The following MACF1 variants were observed in gnomAD, a reference collection of about 807,000 sequenced individuals.
MACF1 encodes microtubule-actin cross-linking factor 1.
A neutral mutation model predicts 854.8 loss-of-function variants in MACF1; 193 were observed. That is an observed-to-expected ratio of 0.23 (90% CI 0.20 to 0.25). The LOEUF (loss-of-function observed/expected upper bound fraction) is 0.25. MACF1 is among the 10% of genes least tolerant of loss of function. MACF1 has a pLI of 1.00. For synonymous variants in MACF1, 3,185 were observed against 3,226.7 expected (o/e 0.99, Z 0.44); for missense variants, 7,722 against 8,929.1 (o/e 0.86, Z 5.45).
At position 39,460,843 on chromosome 1, in the gene MACF1, A is replaced by C. The variant is rs1298806700; in HGVS notation, c.21523+49A>C. On this transcript the variant is annotated intron_variant, in intron 92 of 100. Coordinates refer to ENST00000564288, the MANE Select transcript of MACF1 (RefSeq NM_001394062.1). This position sits in a 1 kb window ranked among gnomAD's most constrained non-coding sequence, Gnocchi z 4.1. The stretch of plus-strand genomic sequence containing the variant: ...CATGGGTCACACCTGGATTCCTTGC[A>C]CTTTGTAGAAGCTGTGATATTCTAG... 2 of 1,595,210 alleles carry C rather than the reference A, an allele frequency of 1.3e-6. No individual in the cohort carries two copies. Among genetic ancestry groups the C allele is most frequent in the Non-Finnish European group, 8.6e-7 (1 of 1,163,912 alleles).
At chr1:39,296,747 A>AAGGAAGGAAGGAAGG (rs1557571161) in intron 20 of MACF1, among the ~76,000 whole-genome samples, 1 of 37,952 alleles carries the variant, frequency 2.6e-5, no homozygotes, top group South Asian at 1.4e-3. Context: ...AGAAAGAAAG[A>AAGGAAGGAAGGAAGG]AAGAAAGGAA....
Position 39,430,740 on chromosome 1 carries a change from G to A in MACF1, c.17169G>A (p.Leu5723=). 1 of 1,612,162 alleles carries A rather than the reference G, an allele frequency of 6.2e-7. No individual in the cohort carries two copies. The highest frequency in any genetic ancestry group is 8.5e-7 in the Non-Finnish European group (1 of 1,179,960). Residue 5723 remains leucine (L), a synonymous_variant, in exon 66 of 101, where the codon TTG becomes TTA. Transcript: ENST00000564288. The part of the protein sequence containing the change: ...KKEVMEHRLV[L]DTVNEVSRAL... ...AGGTCATGGAGCACAGGCTGGTGTT[G>A]GACACAGTGAATGAGGTGAGCCGTG...
At chr1:39,365,822 C>T (rs775341669) in intron 49 of MACF1, among the ~76,000 whole-genome samples, 1 of 151,944 alleles carries the variant, frequency 6.6e-6, no homozygotes, top group Non-Finnish European at 1.5e-5. Context: ...ATTACAGGGG[C>T]CTGCCACCAC....
At position 39,333,356 on chromosome 1, in the gene MACF1, G is replaced by A. The variant is rs1646759623; in HGVS notation, c.6768G>A (p.Met2256Ile). The change falls in exon 37 of 101, where the codon ATG becomes ATA. Residue 2256 changes from methionine to isoleucine, a missense_variant. Physicochemically the swap from Met to Ile is conservative, Grantham distance 10. Transcript: ENST00000564288. ...AQNIAGGSMMMSEKTDEEDSG... is the reference protein window; with the variant it reads ...AQNIAGGSMMISEKTDEEDSG... ...ACATCGCAGGTGGTAGTATGATGAT[G>A]TCAGAAAAGACCGATGAGGAAGATA... The A allele has an allele frequency of 1.2e-6, 2 of 1,613,992 alleles. No homozygotes were observed. The highest frequency in any genetic ancestry group is 1.7e-6 in the Non-Finnish European group (2 of 1,180,010).
intron 49 of MACF1, among the ~76,000 whole-genome samples, chr1:39,365,239 C>G (rs1024659748): frequency 6.6e-6 from 1 of 151,940 alleles, no homozygotes; most frequent in African/African-American, 2.4e-5. Context: ...CCACGTCCAG[C>G]TAATTTTTTT....
chr1:39,394,266 G>T (rs200051078), intron 58 of MACF1, among the ~76,000 whole-genome samples: 12,483 of 149,430 alleles, frequency 0.084, 637 homozygotes, highest in Middle Eastern at 0.15. Flanking sequence ...TTGATTGATT[G>T]ATTGATTGAT....
intron 2 of MACF1, among the ~76,000 whole-genome samples, chr1:39,240,800 G>A (rs979591582): frequency 2.6e-5 from 4 of 152,168 alleles, no homozygotes. Context: ...CACCCAGCCT[G>A]TGGATTTTAG....
In MACF1 at chr1:39,332,749, G is replaced by A. The variant is rs145767246; in HGVS notation, c.6161G>A (p.Arg2054Gln). The change falls in exon 37 of 101, where the codon CGG becomes CAG. Residue 2054 changes from arginine to glutamine, a missense_variant. By Grantham distance (43) the Arg-to-Gln change is conservative. This residue lies in a region of MACF1 where 1,531 missense variants were observed against 1,601.6 expected (regional missense o/e 0.96). Coordinates refer to ENST00000564288, the MANE Select transcript of MACF1 (RefSeq NM_001394062.1). ...FSSQNKEYPD[R>Q]EDCTTEKGKK... is the part of the protein sequence containing the mutation. ...TCTCAGAACAAAGAATATCCCGATCGGGAAGATTGCACTACAGAAAAAGGC... is the reference window on the plus strand; with the variant it reads ...TCTCAGAACAAAGAATATCCCGATCAGGAAGATTGCACTACAGAAAAAGGC... The A allele has an allele frequency of 6.8e-5, 110 of 1,614,124 alleles. No homozygotes were observed. In the African/African-American group the frequency reaches 1.1e-3, roughly 16 times the overall value.
intron 21 of MACF1, among the ~76,000 whole-genome samples, chr1:39,299,953 G>A (rs1000499742): frequency 6.6e-6 from 1 of 152,166 alleles, no homozygotes; most frequent in African/African-American, 2.4e-5. Flanking sequence ...ATTTTTGCAT[G>A]TGACTTTATG....
chr1:39,439,475 T>C lies in MACF1; in HGVS notation c.18422T>C (p.Ile6141Thr). The C allele has an allele frequency of 1.9e-6, 3 of 1,614,174 alleles. No individual in the cohort carries two copies. The highest frequency in any genetic ancestry group is 2.5e-6 in the Non-Finnish European group (3 of 1,179,992). Residue 6141 changes from isoleucine (I) to threonine (T), a missense_variant, in exon 72 of 101, where the codon ATC (isoleucine) becomes ACC (threonine). Ile to Thr is a moderately conservative substitution (Grantham distance 89). This residue lies in a region of MACF1 where 2,807 missense variants were observed against 3,235.8 expected (regional missense o/e 0.87). Coordinates refer to ENST00000564288, the MANE Select transcript of MACF1 (RefSeq NM_001394062.1). ...AGCCCAGGCATTGATCCTTCCATCATCAAACAACAGGTTGAAGCTGCTGAG... is the reference window on the plus strand; with the variant it reads ...AGCCCAGGCATTGATCCTTCCATCACCAAACAACAGGTTGAAGCTGCTGAG... ...LESPGIDPSI[I>T]KQQVEAAETI... is the part of the protein sequence containing the mutation.
In MACF1 at chr1:39,155,094, C is replaced by G. The variant is rs531623637; in HGVS notation, c.220+70656C>G. Among the ~76,000 whole-genome samples the G allele has an allele frequency of 5.9e-5, 9 of 152,254 alleles. No homozygotes were observed. In the East Asian group the frequency reaches 1.2e-3, roughly 20 times the overall value. ...CATGCAGAGTTATTGAACTATGGTT[C>G]TTTGAAATGCTGTGACTCTGAGGAA... On this transcript the variant is annotated intron_variant, in intron 2 of 93. Coordinates refer to the MACF1 transcript ENST00000361689.
At position 39,370,636 on chromosome 1, in the gene MACF1, A is replaced by G. The variant is rs181856439; in HGVS notation, c.13095+450A>G. On this transcript the variant is annotated intron_variant, in intron 51 of 100. Coordinates refer to ENST00000564288, the MANE Select transcript of MACF1 (RefSeq NM_001394062.1). ...GTCTTCCTTTTGTTGAAATAAGCCA[A>G]ATATGCCTCTGACTAACTGTCATGC... 2.1e-3 allele frequency among the ~76,000 whole-genome samples: 315 copies of G among 152,308 alleles called. 2 individuals carry two copies. The highest frequency in any genetic ancestry group is 7.2e-3 in the African/African-American group (301 of 41,560).
At chr1:39,263,029 T>C (rs892959133) in intron 6 of MACF1, among the ~76,000 whole-genome samples, 1 of 151,242 alleles carries the variant, frequency 6.6e-6, no homozygotes, top group Admixed American at 6.6e-5. Flanking sequence ...TTGCTAGTTA[T>C]CTGTCATTGT....
chr1:39,459,930 G>C (rs1570160262), intron 91 of MACF1: 1 of 988,536 alleles, frequency 1.0e-6, no homozygotes, highest in East Asian at 6.0e-5. Flanking sequence ...TTCTAACTTT[G>C]GAGTTTGAAA....
At position 39,232,765 on chromosome 1, in the gene MACF1, T is replaced by TG. The variant is rs1553174863; in HGVS notation, c.171+1522_171+1523insG. ...CTCTTTGTTTTTTTTTTTTTTTTTT[T>TG]TTTGTTTGTTTGTTTCTTTGTTTGT... On this transcript the variant is annotated intron_variant, in intron 2 of 100. Coordinates refer to ENST00000564288, the MANE Select transcript of MACF1 (RefSeq NM_001394062.1). 2.5e-3 allele frequency among the ~76,000 whole-genome samples: 340 copies of TG among 138,158 alleles called. 1 individual carries two copies. Among genetic ancestry groups the TG allele is most frequent in the African/African-American group, 8.3e-3 (310 of 37,148 alleles). 90.6% of individuals were successfully genotyped at this position (138,158 alleles called of 152,430 possible). A position where few individuals can be genotyped will look rare whatever the true frequency, so the allele number is the denominator to read the frequency against.
Position 39,084,317 on chromosome 1 carries a change from C to G in MACF1, c.99C>G (p.Ser33Arg). 6.2e-7 allele frequency: 1 copy of G among 1,613,882 alleles called. No homozygotes were observed. Among genetic ancestry groups the G allele is most frequent in the Non-Finnish European group, 8.5e-7 (1 of 1,179,986 alleles). ...CTTACAGGAGCGAGCGGTCGGGGAG[C>G]CTGTCTCCCTGTCCCCCAGGGGACA... The change falls in exon 2 of 94, where the codon AGC becomes AGG. Residue 33 changes from serine to arginine, a missense_variant. Coordinates refer to the MACF1 transcript ENST00000361689. This position sits in a 1 kb window ranked among gnomAD's most constrained non-coding sequence, Gnocchi z 5.2.
At chr1:39,415,270 T>C (rs1435791616) in intron 58 of MACF1, among the ~76,000 whole-genome samples, 1 of 152,048 alleles carries the variant, frequency 6.6e-6, no homozygotes, top group African/African-American at 2.4e-5. Context: ...CATTTCTTCA[T>C]TATAAAACAA....
At chr1:39,373,486 A>G (rs1569773557) in intron 52 of MACF1, 3 of 107,918 alleles carry the variant, frequency 2.8e-5, no homozygotes, top group African/African-American at 5.3e-5. Context: ...AAAAAAAAAA[A>G]AAAAAAAAAA....
intron 2 of MACF1, among the ~76,000 whole-genome samples, chr1:39,138,037 G>T (rs1041853013): frequency 1.5e-5 from 2 of 131,150 alleles, no homozygotes; most frequent in African/African-American, 5.8e-5. Flanking sequence ...TTGTGCCACT[G>T]CACTCCAGCC....
Sources: allele counts gnomAD v4.1 joint callset (sites outside exome capture counted in the v4.1 genomes callset), GRCh38; gene constraint gnomAD v4.1.1; regional missense constraint gnomAD v4.1.1; non-coding constraint Gnocchi (gnomAD v3.1); transcripts MANE v1.5; gene names NCBI Gene and HGNC (gene_info 2026-07-23, HGNC 2026-07-21).